SMOC1: variants seen among roughly 807,000 people sequenced by gnomAD.
SMOC1 encodes the protein SPARC-related modular calcium-binding protein 1.
In SMOC1, 22 loss-of-function variants were observed where a neutral mutation model predicts 56.3. The observed-to-expected ratio is 0.39, with a 90% confidence interval of 0.28 to 0.56. SMOC1 has a LOEUF of 0.56. Ranked by LOEUF, SMOC1 falls within the 20% of genes least tolerant of loss-of-function variation. The pLI is 0.61. For synonymous variants in SMOC1, 193 were observed against 215.0 expected (o/e 0.90, Z 0.89); for missense variants, 509 against 565.4 (o/e 0.90, Z 1.01).
At chr14:69,949,384 G>A (rs1317719585) in intron 1 of SMOC1, among the ~76,000 whole-genome samples, 3 of 152,166 alleles carry the variant, frequency 2.0e-5, no homozygotes, top group East Asian at 1.9e-4. Context: ...CACACATGAC[G>A]GAGGGCCCCA....
At chr14:69,935,680 C>T (rs954098624) in intron 1 of SMOC1, among the ~76,000 whole-genome samples, 10 of 152,126 alleles carry the variant, frequency 6.6e-5, no homozygotes, top group Non-Finnish European at 1.5e-4. Context: ...GGTGGCAGCA[C>T]GGGGGTGGTT....
rs573019280 is a variant in SMOC1, at chr14:69,923,468, G to A, written c.100-28670G>A. On this transcript the variant is annotated intron_variant, in intron 1 of 11. Coordinates refer to ENST00000361956, the MANE Select transcript of SMOC1 (RefSeq NM_001034852.3). Reference sequence around the variant, plus strand: ...CCAGAAGGAAAGAGAGACCTGTTTCGTTCCCTTTATCTCACTGGATTTTTC... The same window carrying A: ...CCAGAAGGAAAGAGAGACCTGTTTCATTCCCTTTATCTCACTGGATTTTTC... Among the ~76,000 whole-genome samples, 17 of 152,266 alleles carry A rather than the reference G, an allele frequency of 1.1e-4. 1 individual carries two copies. The South Asian group carries it at 2.1e-3, about 19-fold the overall frequency.
chr14:69,924,632 G>C (rs879598604), intron 1 of SMOC1, among the ~76,000 whole-genome samples: 5 of 151,038 alleles, frequency 3.3e-5, no homozygotes, highest in Non-Finnish European at 7.4e-5. Context: ...TACAGGGGAG[G>C]TAGAGGAGTT....
At chr14:70,001,057 C>T (rs1434401425) in intron 7 of SMOC1, among the ~76,000 whole-genome samples, 1 of 152,162 alleles carries the variant, frequency 6.6e-6, no homozygotes, top group Non-Finnish European at 1.5e-5. Flanking sequence ...GAGCACCGAG[C>T]AGCCTTCCCC....
At chr14:69,886,781 G>C (rs1292957815) in intron 1 of SMOC1, among the ~76,000 whole-genome samples, 1 of 152,106 alleles carries the variant, frequency 6.6e-6, no homozygotes, top group Non-Finnish European at 1.5e-5. Context: ...CCATATGGGG[G>C]GATTTAGCTG....
In SMOC1 at chr14:70,031,287, C is replaced by T. The variant is rs966283713; in HGVS notation, c.*1029C>T. The T allele has an allele frequency of 2.0e-5, 3 of 152,062 alleles. No individual in the cohort carries two copies. Among genetic ancestry groups the T allele is most frequent in the Admixed American group, 6.5e-5 (1 of 15,270 alleles). 9.4% of individuals were successfully genotyped at this position (152,062 alleles called of 1,614,324 possible). ...GCGGTGCCAACAGGGAAACTCTTCA[C>T]CTCCCTGCAAACCTACCAGTGAGGC... On this transcript the variant is annotated 3_prime_UTR_variant, in exon 12 of 12. Transcript: ENST00000361956.
At chr14:69,881,685 C>T (rs931230766) in intron 1 of SMOC1, among the ~76,000 whole-genome samples, 3 of 152,066 alleles carry the variant, frequency 2.0e-5, no homozygotes, top group Non-Finnish European at 4.4e-5. Flanking sequence ...CAAACACACA[C>T]ACACATGTGC....
intron 5 of SMOC1, among the ~76,000 whole-genome samples, chr14:69,979,772 C>G (rs1170143709): frequency 6.6e-6 from 1 of 152,066 alleles, no homozygotes; most frequent in African/African-American, 2.4e-5. Flanking sequence ...TTGCCTGTTG[C>G]AATGGAAATC....
intron 5 of SMOC1, among the ~76,000 whole-genome samples, chr14:69,981,326 C>T (rs1173834806): frequency 6.6e-6 from 1 of 152,214 alleles, no homozygotes; most frequent in East Asian, 1.9e-4. Context: ...TTGGAATGTC[C>T]TTTCCTCACT....
At chr14:69,933,403 T>G (rs1393400221) in intron 1 of SMOC1, among the ~76,000 whole-genome samples, 5 of 152,222 alleles carry the variant, frequency 3.3e-5, no homozygotes, top group African/African-American at 1.2e-4. Context: ...CATGTACTGT[T>G]TCTGAATTTA....
intron 1 of SMOC1, chr14:69,885,412 A>G: frequency 6.2e-7 from 1 of 1,600,976 alleles, no homozygotes; most frequent in South Asian, 1.1e-5. Flanking sequence ...CAGACTTAGG[A>G]CCCAGGACAT....
intron 1 of SMOC1, among the ~76,000 whole-genome samples, chr14:69,923,886 C>T (rs534045999): frequency 6.6e-6 from 1 of 152,322 alleles, no homozygotes; most frequent in Admixed American, 6.5e-5. Context: ...CCTGCCTTGG[C>T]CTGAGCCACT....
chr14:70,013,540 T>G, intron 10 of SMOC1, 49 bp downstream of exon 10: 125 of 1,435,296 alleles, frequency 8.7e-5, no homozygotes, highest in Non-Finnish European at 1.1e-4. Context: ...GTGGGGCCCC[T>G]GACTTTTCAA....
At chr14:69,896,868 G>A (rs573642849) in intron 1 of SMOC1, among the ~76,000 whole-genome samples, 4 of 152,282 alleles carry the variant, frequency 2.6e-5, no homozygotes, top group African/African-American at 9.6e-5. Flanking sequence ...GGCATGGTAG[G>A]CTGTTTTCCT....
intron 5 of SMOC1, among the ~76,000 whole-genome samples, chr14:69,987,670 T>C (rs542101699): frequency 2.8e-4 from 42 of 152,330 alleles, no homozygotes; most frequent in African/African-American, 9.1e-4. Flanking sequence ...TCCCTGAGAA[T>C]AGTCTGAGCG....
At chr14:69,891,625 G>C (rs61980568) in intron 1 of SMOC1, among the ~76,000 whole-genome samples, 16,110 of 152,004 alleles carry the variant, frequency 0.11, 1,087 homozygotes, top group African/African-American at 0.19. Context: ...GGCTGCTGCT[G>C]CCTTCTCCCG....
chr14:69,905,505 A>G (rs1187737712), intron 1 of SMOC1, among the ~76,000 whole-genome samples: 1 of 152,222 alleles, frequency 6.6e-6, no homozygotes, highest in Non-Finnish European at 1.5e-5. Context: ...CAGAATTTTA[A>G]GCAGGAGAGT....
At chr14:69,883,888 C>CCT (rs1566659816) in intron 1 of SMOC1, among the ~76,000 whole-genome samples, 1 of 59,170 alleles carries the variant, frequency 1.7e-5, no homozygotes, top group Non-Finnish European at 3.1e-5. Context: ...TGATGTTGAG[C>CCT]ATTTTTTTTT....
chr14:70,029,591 GAC>G (rs999601293), intron 11 of SMOC1, among the ~76,000 whole-genome samples: 5 of 152,180 alleles, frequency 3.3e-5, no homozygotes, highest in African/African-American at 1.2e-4. Context: ...GGTCAGAGAG[GAC>G]AGAGACCCAG....
Sources: allele counts gnomAD v4.1 joint callset (sites outside exome capture counted in the v4.1 genomes callset), GRCh38; gene constraint gnomAD v4.1.1; transcripts MANE v1.5; gene names NCBI Gene and HGNC (gene_info 2026-07-23, HGNC 2026-07-21).